Variants in PCDHA4 observed in about 807,000 individuals in gnomAD.
The protein encoded by PCDHA4 is protocadherin alpha 4.
In PCDHA4, 49 loss-of-function variants were observed where a neutral mutation model predicts 61.4. The ratio of observed to expected loss-of-function variants is 0.80; its 90% CI spans 0.63 to 1.01. PCDHA4 has a LOEUF of 1.01. Among genes scored for constraint, PCDHA4 ranks in the 50% least tolerant of loss-of-function variants. The pLI, the probability that PCDHA4 is intolerant of heterozygous loss-of-function variation, is 0.00. For synonymous variants in PCDHA4, 590 were observed against 550.3 expected (o/e 1.07, Z -1.01); for missense variants, 1,254 against 1,235.8 (o/e 1.01, Z -0.22).
At chr5:140,875,580 C>G (rs1381718234) in intron 1 of PCDHA4, 7 of 1,613,958 alleles carry the variant, frequency 4.3e-6, no homozygotes, top group Admixed American at 1.7e-5. Context: ...ACTCCGTCTA[C>G]GAGGAGGCCA....
intron 1 of PCDHA4, among the ~76,000 whole-genome samples, chr5:140,909,076 G>A (rs556959550): frequency 3.3e-5 from 5 of 152,294 alleles, no homozygotes; most frequent in African/African-American, 7.2e-5. Context: ...TAAGCCCAGT[G>A]TGTTTGCTAC....
At chr5:141,002,907 A>T (rs1201381868) in intron 3 of PCDHA4, among the ~76,000 whole-genome samples, 1 of 152,210 alleles carries the variant, frequency 6.6e-6, no homozygotes, top group Non-Finnish European at 1.5e-5. Flanking sequence ...TGAAGAGAAG[A>T]TCAGAAAAGT....
intron 1 of PCDHA4, chr5:140,856,749 C>A (rs146132566): frequency 1.3e-6 from 2 of 1,595,860 alleles, no homozygotes; most frequent in East Asian, 2.2e-5. Context: ...GTGTTAGATG[C>A]CAATGATAAC....
chr5:140,918,786 A>T (rs2078853629), intron 1 of PCDHA4, among the ~76,000 whole-genome samples: 1 of 147,002 alleles, frequency 6.8e-6, no homozygotes, highest in African/African-American at 2.6e-5. Context: ...ATGTGAGGAC[A>T]CAGCAAAAAT....
chr5:140,858,128 G>A (rs782090771), intron 1 of PCDHA4: 11 of 1,597,872 alleles, frequency 6.9e-6, no homozygotes, highest in Non-Finnish European at 9.4e-6. Context: ...CCTGGTGGAT[G>A]TCAACGTGTA....
At chr5:140,955,506 G>A (rs781377705) in intron 1 of PCDHA4, among the ~76,000 whole-genome samples, 3 of 152,222 alleles carry the variant, frequency 2.0e-5, no homozygotes, top group South Asian at 2.1e-4. Flanking sequence ...GAAGAAAGAC[G>A]TGTTTGCTTT....
intron 1 of PCDHA4, chr5:140,822,576 T>C (rs1047981826): frequency 1.2e-6 from 2 of 1,612,800 alleles, no homozygotes; most frequent in Non-Finnish European, 1.7e-6. Flanking sequence ...ACGCCTCAGA[T>C]GCAGATGAGG....
intron 1 of PCDHA4, chr5:140,821,841 C>T: frequency 6.2e-7 from 1 of 1,614,178 alleles, no homozygotes; most frequent in Non-Finnish European, 8.5e-7. Flanking sequence ...TCCTTGCCTA[C>T]TGGAAGGCAG....
intron 1 of PCDHA4, among the ~76,000 whole-genome samples, chr5:140,941,214 CCTTTCTTTCTTTCTTT>C (rs60032403): frequency 8.2e-6 from 1 of 122,414 alleles, no homozygotes; most frequent in East Asian, 2.3e-4. Context: ...TTTCTTTCTT[CCTTTCTTTCTTTCTTT>C]CTTTCTTTCT....
chr5:140,822,140 T>A (rs2150114036), intron 1 of PCDHA4: 5 of 1,614,222 alleles, frequency 3.1e-6, no homozygotes, highest in Non-Finnish European at 4.2e-6. Flanking sequence ...GAGGTGGCAG[T>A]GAAGGACATC....
chr5:140,966,428 C>T (rs1297076694), intron 1 of PCDHA4: 6 of 423,554 alleles, frequency 1.4e-5, no homozygotes, highest in Non-Finnish European at 1.2e-5. Flanking sequence ...TTGCTGAGCC[C>T]TCCTACCGCT....
intron 1 of PCDHA4, chr5:140,821,789 G>C: frequency 3.1e-6 from 5 of 1,611,922 alleles, no homozygotes; most frequent in Non-Finnish European, 4.2e-6. Context: ...GTATATTCCC[G>C]GAGAGGAAGT....
At chr5:140,885,203 C>A (rs1348633653) in intron 1 of PCDHA4, among the ~76,000 whole-genome samples, 2 of 151,986 alleles carry the variant, frequency 1.3e-5, no homozygotes, top group African/African-American at 2.4e-5. Flanking sequence ...TCTCATATAT[C>A]CCATGAAAAA....
At chr5:140,978,922 C>A (rs569091265) in intron 1 of PCDHA4, 27 bp from the exon 2 acceptor site, 7 of 1,613,966 alleles carry the variant, frequency 4.3e-6, no homozygotes, top group Non-Finnish European at 5.1e-6. Context: ...GTCATTTTAA[C>A]AGAAAACTCT....
chr5:140,981,948 G>T (rs544785800), intron 2 of PCDHA4, among the ~76,000 whole-genome samples: 26 of 152,230 alleles, frequency 1.7e-4, no homozygotes, highest in African/African-American at 6.0e-4. Context: ...TATAGGGTGG[G>T]TCATCTATGC....
Position 140,979,960 on chromosome 5 carries a change from C to T in PCDHA4, c.2444+953C>T, listed in dbSNP as rs2096871601. 2.0e-5 allele frequency among the ~76,000 whole-genome samples: 3 copies of T among 152,266 alleles called. No homozygotes were observed. The South Asian group carries it at 6.2e-4, about 32-fold the overall frequency. ...AGAGTTAATGTGAAATTAGTTTTAG[C>T]CCATTAAAATGCATTAGATTGAAAT... On this transcript the variant is annotated intron_variant, in intron 2 of 3. Coordinates refer to ENST00000530339, the MANE Select transcript of PCDHA4 (RefSeq NM_018907.4).
intron 2 of PCDHA4, among the ~76,000 whole-genome samples, chr5:140,982,016 A>C (rs2096962660): frequency 6.6e-6 from 1 of 152,260 alleles, no homozygotes; most frequent in African/African-American, 2.4e-5. Context: ...TTAGATAGCC[A>C]AATTGGAACA....
chr5:140,875,816 A>C lies in PCDHA4; in HGVS notation c.2385+66244A>C, dbSNP rs570265935. On this transcript the variant is annotated intron_variant, in intron 1 of 3. Coordinates refer to ENST00000530339, the MANE Select transcript of PCDHA4 (RefSeq NM_018907.4). ...GAGGTGATCGTGGACAGGCCGCTGC[A>C]GGTTTTCCATGTGGACGTGGAGGTG... is the stretch of plus-strand genomic sequence containing the variant. 24 of 1,614,198 alleles carry C rather than the reference A, an allele frequency of 1.5e-5. No individual in the cohort carries two copies. The South Asian group carries it at 2.6e-4, about 18-fold the overall frequency.
At chr5:140,834,683 G>C (rs2150224219) in intron 1 of PCDHA4, 51 of 1,614,138 alleles carry the variant, frequency 3.2e-5, no homozygotes, top group Non-Finnish European at 4.1e-5. Context: ...GGCGGAGCGC[G>C]GAGTGCAGCA....
Sources: allele counts gnomAD v4.1 joint callset (sites outside exome capture counted in the v4.1 genomes callset), GRCh38; gene constraint gnomAD v4.1.1; transcripts MANE v1.5; gene names NCBI Gene and HGNC (gene_info 2026-07-23, HGNC 2026-07-21).